Variants in MAGI1 observed in about 807,000 individuals in gnomAD.
The protein encoded by MAGI1 is membrane associated guanylate kinase, WW and PDZ domain containing 1.
A neutral mutation model predicts 139.9 loss-of-function variants in MAGI1; 58 were observed. The ratio of observed to expected loss-of-function variants is 0.41; its 90% confidence interval spans 0.34 to 0.52. MAGI1 has a LOEUF of 0.52. Ranked by LOEUF, MAGI1 falls within the 20% of genes least tolerant of loss-of-function variation. MAGI1 has a pLI of 0.12. For missense variants in MAGI1, 1,874 were observed against 1,901.6 expected, an observed-to-expected ratio of 0.99 and a Z score of 0.27; for synonymous variants, 812 against 737.9, an observed-to-expected ratio of 1.10 and a Z score of -1.63.
chr3:65,610,865 TATATAGTAGATAGTA>T (rs1359518023), intron 2 of MAGI1, among the ~76,000 whole-genome samples: 114 of 139,666 alleles, frequency 8.2e-4, no homozygotes, highest in African/African-American at 2.8e-3. Flanking sequence ...ACATATACAC[TATATAGTAGATAGTA>T]ATATAGTAGA....
rs143710779 is a variant in MAGI1, at chr3:66,025,853, T to G, written c.313+12143A>C. ...TATACATTGTTTAAATGAGAAAAAA[T>G]TTAAATTTCACCAGGAAAATACATA... On this transcript the variant is annotated intron_variant, in intron 1 of 22. Transcript: ENST00000402939. Among the ~76,000 whole-genome samples the G allele has an allele frequency of 4.7e-3, 710 of 152,276 alleles. 3 individuals are homozygous for G. The highest frequency in any genetic ancestry group is 0.015 in the African/African-American group (643 of 41,558).
At chr3:65,668,210 T>C (rs993342037) in intron 1 of MAGI1, among the ~76,000 whole-genome samples, 12 of 152,114 alleles carry the variant, frequency 7.9e-5, no homozygotes, top group Admixed American at 2.0e-4. Flanking sequence ...ACCAGAAGGG[T>C]TGACGTGAGG....
At chr3:65,424,769 T>C (rs1946884087) in intron 12 of MAGI1, among the ~76,000 whole-genome samples, 1 of 152,138 alleles carries the variant, frequency 6.6e-6, no homozygotes, top group Admixed American at 6.5e-5. Flanking sequence ...TATAAACTTA[T>C]TTTCATCCAA....
chr3:65,711,699 T>C (rs1001858470), intron 1 of MAGI1, among the ~76,000 whole-genome samples: 1 of 152,168 alleles, frequency 6.6e-6, no homozygotes, highest in African/African-American at 2.4e-5. Context: ...AGAATGAGCA[T>C]GTATCCAGCA....
chr3:65,568,141 C>A (rs1474316874), intron 2 of MAGI1, among the ~76,000 whole-genome samples: 1 of 152,104 alleles, frequency 6.6e-6, no homozygotes, highest in African/African-American at 2.4e-5. Context: ...AAACTCCCAC[C>A]CAAAGACCAA....
chr3:65,995,523 G>A (rs28464873), intron 1 of MAGI1, among the ~76,000 whole-genome samples: 1,714 of 149,042 alleles, frequency 0.012, 31 homozygotes, highest in African/African-American at 0.039. Context: ...AAGGATATAC[G>A]GCTCCCTTAA....
At chr3:65,591,239 C>T (rs1444353031) in intron 2 of MAGI1, among the ~76,000 whole-genome samples, 2 of 151,988 alleles carry the variant, frequency 1.3e-5, no homozygotes, top group Non-Finnish European at 2.9e-5. Context: ...AAGAGATGAC[C>T]CACCCCCGCC....
Position 65,548,786 on chromosome 3 carries a change from G to A in MAGI1, c.431-55155C>T, listed in dbSNP as rs996712742. 1.8e-4 allele frequency among the ~76,000 whole-genome samples: 28 copies of A among 152,082 alleles called. 1 individual carries two copies. The highest frequency in any genetic ancestry group is 1.6e-3 in the Admixed American group (24 of 15,280). On this transcript the variant is annotated intron_variant, in intron 2 of 22. Coordinates refer to ENST00000402939, the MANE Select transcript of MAGI1 (RefSeq NM_001033057.2). The stretch of plus-strand genomic sequence containing the variant: ...AATCCACCCAACTCGGTCTCCCAAA[G>A]TACTGGGATTACAGGTGTAAGCCAC...
At chr3:65,465,863 T>C (rs1950133689) in intron 5 of MAGI1, among the ~76,000 whole-genome samples, 4 of 152,180 alleles carry the variant, frequency 2.6e-5, no homozygotes. Flanking sequence ...AAATGTTAGA[T>C]CTTTTGTTAC....
chr3:65,803,862 A>T (rs1399105246), intron 1 of MAGI1, among the ~76,000 whole-genome samples: 6 of 152,170 alleles, frequency 3.9e-5, no homozygotes, highest in Admixed American at 2.0e-4. Flanking sequence ...AGTACTGAAA[A>T]ATAATTTCTT....
At chr3:65,848,105 T>C (rs1402449002) in intron 1 of MAGI1, among the ~76,000 whole-genome samples, 1 of 152,156 alleles carries the variant, frequency 6.6e-6, no homozygotes, top group East Asian at 1.9e-4. Context: ...GACAGGAAAT[T>C]CATTTCCCCA....
chr3:65,910,704 T>C (rs1233285537), intron 1 of MAGI1, among the ~76,000 whole-genome samples: 5 of 152,138 alleles, frequency 3.3e-5, no homozygotes, highest in Non-Finnish European at 2.9e-5. Context: ...CTACAGTAGC[T>C]TCCTATCACT....
chr3:65,621,761 T>A (rs758706917), intron 2 of MAGI1, among the ~76,000 whole-genome samples: 9 of 152,134 alleles, frequency 5.9e-5, no homozygotes, highest in Non-Finnish European at 1.3e-4. Flanking sequence ...AAAGGGTAGA[T>A]AATTTGCCCC....
intron 3 of MAGI1, among the ~76,000 whole-genome samples, chr3:65,479,773 T>A (rs994579192): frequency 2.0e-5 from 3 of 152,294 alleles, no homozygotes; most frequent in South Asian, 2.1e-4. Context: ...GTAAGCTATT[T>A]TTTTAAAGTT....
At chr3:65,793,034 T>C (rs1221446164) in intron 1 of MAGI1, among the ~76,000 whole-genome samples, 2 of 152,218 alleles carry the variant, frequency 1.3e-5, no homozygotes, top group Admixed American at 6.5e-5. Context: ...GGCTGAATTC[T>C]GACCCTAGAG....
intron 1 of MAGI1, among the ~76,000 whole-genome samples, chr3:65,681,325 G>A (rs778939691): frequency 2.0e-5 from 3 of 152,044 alleles, no homozygotes; most frequent in Non-Finnish European, 2.9e-5. Flanking sequence ...AATAAGCTAC[G>A]CCCATAATTC....
intron 1 of MAGI1, among the ~76,000 whole-genome samples, chr3:65,701,298 G>A (rs1224458744): frequency 6.6e-6 from 1 of 152,130 alleles, no homozygotes; most frequent in African/African-American, 2.4e-5. Context: ...TGTCGCCCAG[G>A]CTGGAGTGCA....
chr3:65,966,528 G>A (rs2064749248), intron 1 of MAGI1, among the ~76,000 whole-genome samples: 2 of 152,122 alleles, frequency 1.3e-5, no homozygotes, highest in African/African-American at 4.8e-5. Flanking sequence ...CAGGGCAGGA[G>A]GATTGCTTGA....
chr3:65,839,338 T>G (rs1451167881), intron 1 of MAGI1, among the ~76,000 whole-genome samples: 1 of 152,216 alleles, frequency 6.6e-6, no homozygotes, highest in Non-Finnish European at 1.5e-5. Context: ...ATAATTACGA[T>G]AAATGTTACA....
Sources: allele counts gnomAD v4.1 joint callset (sites outside exome capture counted in the v4.1 genomes callset), GRCh38; gene constraint gnomAD v4.1.1; transcripts MANE v1.5; gene names NCBI Gene and HGNC (gene_info 2026-07-23, HGNC 2026-07-21).